Variants in PIK3C2A observed in about 807,000 individuals in gnomAD.
PIK3C2A encodes phosphatidylinositol-4-phosphate 3-kinase catalytic subunit type 2 alpha, also known as phosphatidylinositol 4-phosphate 3-kinase C2 domain-containing subunit alpha.
PIK3C2A carries 97 observed loss-of-function variants against 204.5 expected under a neutral mutation model. That is an observed-to-expected ratio of 0.47 (90% CI 0.40 to 0.56). The LOEUF (loss-of-function observed/expected upper bound fraction) is 0.56. PIK3C2A is among the 20% of genes least tolerant of loss of function. The pLI is 0.00. For synonymous variants in PIK3C2A, 653 were observed against 664.4 expected (o/e 0.98, Z 0.26); for missense variants, 1,735 against 1,969.2 (o/e 0.88, Z 2.25).
chr11:17,197,238 T>G (rs1836098114), intron 1 of PIK3C2A, among the ~76,000 whole-genome samples: 1 of 152,062 alleles, frequency 6.6e-6, no homozygotes, highest in Non-Finnish European at 1.5e-5. Context: ...CATGCTGGTC[T>G]TGAACTTCTG....
intron 1 of PIK3C2A, among the ~76,000 whole-genome samples, chr11:17,187,213 C>A (rs949347930): frequency 7.9e-5 from 12 of 152,012 alleles, no homozygotes; most frequent in Non-Finnish European, 1.3e-4. Flanking sequence ...AGAAAAAAAT[C>A]ATGAGAGCGA....
chr11:17,146,906 T>G (rs1479975198), intron 6 of PIK3C2A, among the ~76,000 whole-genome samples: 1 of 152,138 alleles, frequency 6.6e-6, no homozygotes, highest in East Asian at 1.9e-4. Flanking sequence ...TATTTTTCCA[T>G]CCAAAATTCT....
At chr11:17,186,464 G>A (rs1184218750) in intron 1 of PIK3C2A, among the ~76,000 whole-genome samples, 1 of 152,092 alleles carries the variant, frequency 6.6e-6, no homozygotes, top group African/African-American at 2.4e-5. Context: ...CATTCAAGTA[G>A]TTGTTAAACA....
At chr11:17,184,851 G>A (rs1161801650) in intron 1 of PIK3C2A, among the ~76,000 whole-genome samples, 2 of 152,150 alleles carry the variant, frequency 1.3e-5, no homozygotes, top group Non-Finnish European at 2.9e-5. Flanking sequence ...GCTGAGGTGG[G>A]AGGATCATTT....
intron 24 of PIK3C2A, among the ~76,000 whole-genome samples, chr11:17,101,770 A>AT (rs575524994): frequency 0.044 from 6,724 of 151,408 alleles, 204 homozygotes; most frequent in Non-Finnish European, 0.065. Flanking sequence ...CGCCCGGCTA[A>AT]TTTTTTGTAT....
intron 1 of PIK3C2A, among the ~76,000 whole-genome samples, chr11:17,200,045 G>C (rs910629444): frequency 6.6e-6 from 1 of 151,994 alleles, no homozygotes; most frequent in African/African-American, 2.4e-5. Context: ...AATTAGCTGG[G>C]CATAGTGGTG....
intron 9 of PIK3C2A, 93 bp from the exon 10 acceptor site, chr11:17,135,252 G>A: frequency 3.3e-6 from 4 of 1,222,794 alleles, no homozygotes; most frequent in Non-Finnish European, 4.8e-6. Context: ...CTTTCCAGGG[G>A]AAACCTCCCA....
chr11:17,130,797 A>G (rs538643682), intron 12 of PIK3C2A, among the ~76,000 whole-genome samples: 1 of 145,262 alleles, frequency 6.9e-6, no homozygotes, highest in East Asian at 2.0e-4. Flanking sequence ...ACAGAGTGAG[A>G]CTCCATCTCA....
intron 28 of PIK3C2A, among the ~76,000 whole-genome samples, chr11:17,092,667 C>T (rs995710617): frequency 7.2e-5 from 11 of 152,092 alleles, no homozygotes; most frequent in Admixed American, 3.3e-4. Flanking sequence ...GTCTCCGTCT[C>T]AAAATAAAAT....
At chr11:17,157,511 G>A (rs572359057) in intron 2 of PIK3C2A, among the ~76,000 whole-genome samples, 2 of 150,376 alleles carry the variant, frequency 1.3e-5, no homozygotes, top group African/African-American at 4.9e-5. Context: ...GCAGCCTCTT[G>A]GTCTGCAAAC....
rs955427897 is a variant in PIK3C2A at position 17,089,508 on chromosome 11, T to C, written c.*230A>G. The stretch of plus-strand genomic sequence containing the variant: ...TTAGGGTTTGTAGCATTCTACATAA[T>C]GACTTTAAAACAGCAATGGCTTCCA... On this transcript the variant is annotated 3_prime_UTR_variant, in exon 33 of 33. Transcript: ENST00000691414. 8 of 444,146 alleles carry C rather than the reference T, an allele frequency of 1.8e-5. No homozygotes were observed. The highest frequency in any genetic ancestry group is 3.2e-5 in the Non-Finnish European group (8 of 248,554). The allele number at this position is 444,146 out of a possible 1,614,324, so 27.5% of individuals were successfully genotyped here.
At chr11:17,105,851 G>A (rs1473891871) in intron 22 of PIK3C2A, among the ~76,000 whole-genome samples, 1 of 152,186 alleles carries the variant, frequency 6.6e-6, no homozygotes, top group East Asian at 1.9e-4. Flanking sequence ...ACTCACGCCT[G>A]CAGTCCTAGC....
intron 1 of PIK3C2A, among the ~76,000 whole-genome samples, chr11:17,178,718 T>A (rs1474836388): frequency 0.47 from 49,647 of 104,668 alleles, 15,511 homozygotes; most frequent in East Asian, 0.76. Flanking sequence ...TTTGAATTTT[T>A]TTTTTTTTTT....
intron 1 of PIK3C2A, chr11:17,193,424 T>A: frequency 3.3e-6 from 1 of 307,016 alleles, no homozygotes; most frequent in South Asian, 2.8e-5. Context: ...GAAATTCAAC[T>A]TAAAAATTGC....
At chr11:17,130,007 T>C (rs1849644829) in intron 12 of PIK3C2A, among the ~76,000 whole-genome samples, 1 of 152,246 alleles carries the variant, frequency 6.6e-6, no homozygotes, top group Non-Finnish European at 1.5e-5. Context: ...CATTTCTTTC[T>C]TTAAAGACTT....
chr11:17,107,270 G>A (rs948223009), intron 22 of PIK3C2A, among the ~76,000 whole-genome samples: 29 of 152,030 alleles, frequency 1.9e-4, no homozygotes, highest in African/African-American at 6.8e-4. Flanking sequence ...CTGAGATGGC[G>A]CCATTGCACT....
chr11:17,181,647 TATATATATATATAC>T (rs1851566128), intron 1 of PIK3C2A, among the ~76,000 whole-genome samples: 4 of 51,918 alleles, frequency 7.7e-5, no homozygotes, highest in Non-Finnish European at 1.4e-4. Flanking sequence ...TATATATATA[TATATATATATATAC>T]ACACACACAC....
At chr11:17,119,691 G>T in intron 16 of PIK3C2A, 95 bp downstream of exon 16, 1 of 706,104 alleles carries the variant, frequency 1.4e-6, no homozygotes, top group Non-Finnish European at 2.4e-6. Context: ...ATATTGAATT[G>T]CTTTCATGTT....
intron 8 of PIK3C2A, among the ~76,000 whole-genome samples, chr11:17,143,599 T>C (rs1850133804): frequency 7.1e-6 from 1 of 140,130 alleles, no homozygotes; most frequent in Non-Finnish European, 1.5e-5. Flanking sequence ...GGAGCACAAA[T>C]GTAAATGACA....
Sources: gnomAD v4.1 joint callset for allele counts (sites outside exome capture counted in the v4.1 genomes callset) on GRCh38, gnomAD v4.1.1 for gene constraint, MANE v1.5 for transcripts, NCBI Gene and HGNC (gene_info 2026-07-23, HGNC 2026-07-21) for gene names.